AHI1: variants seen among roughly 807,000 people sequenced by gnomAD.
AHI1 encodes Abelson helper integration site 1.
In AHI1, 123 loss-of-function variants were observed where a neutral mutation model predicts 149.3. That is an observed-to-expected ratio of 0.82 (90% CI 0.71 to 0.96). The LOEUF (loss-of-function observed/expected upper bound fraction) is 0.96, where lower values mean the gene tolerates loss of function less well. Among genes scored for constraint, AHI1 ranks in the 40% least tolerant of loss-of-function variants. The pLI is 0.00. For missense variants in AHI1, 1,439 were observed against 1,422.7 expected, an observed-to-expected ratio of 1.01 and a Z score of -0.18; for synonymous variants, 475 against 459.8, an observed-to-expected ratio of 1.03 and a Z score of -0.42.
intron 20 of AHI1, among the ~76,000 whole-genome samples, chr6:135,415,498 T>C (rs1782241536): frequency 6.6e-6 from 1 of 152,206 alleles, no homozygotes; most frequent in South Asian, 2.1e-4. Context: ...TTTTTAATGA[T>C]TGCCAAGATT....
chr6:135,420,424 C>CCT (rs1200086204), intron 20 of AHI1, among the ~76,000 whole-genome samples: 16 of 152,272 alleles, frequency 1.1e-4, no homozygotes, highest in African/African-American at 3.6e-4. Flanking sequence ...AGGGCATCTT[C>CCT]CTCCATTAGA....
intron 13 of AHI1, among the ~76,000 whole-genome samples, chr6:135,445,839 G>A (rs1295008625): frequency 2.0e-5 from 3 of 152,020 alleles, no homozygotes; most frequent in Non-Finnish European, 2.9e-5. Context: ...GGCGGATCAC[G>A]AGGTCAGGAG....
chr6:135,364,466 C>T (rs1208264421), intron 23 of AHI1, among the ~76,000 whole-genome samples: 5 of 147,918 alleles, frequency 3.4e-5, no homozygotes, highest in Non-Finnish European at 7.5e-5. Flanking sequence ...CAGGCGGAGA[C>T]GCTCCTCACT....
intron 24 of AHI1, among the ~76,000 whole-genome samples, chr6:135,325,835 C>T (rs1399533323): frequency 6.6e-6 from 1 of 152,140 alleles, no homozygotes; most frequent in Non-Finnish European, 1.5e-5. Flanking sequence ...TAGGTGGCTG[C>T]TGGGAAGGAT....
Position 135,375,494 on chromosome 6 carries a change from T to C in AHI1, c.3110-17307A>G, listed in dbSNP as rs1363720907. Among the ~76,000 whole-genome samples, 4 of 152,324 alleles carry C rather than the reference T, an allele frequency of 2.6e-5. No individual in the cohort carries two copies. The South Asian group carries it at 6.2e-4, about 24-fold the overall frequency. On this transcript the variant is annotated intron_variant, in intron 23 of 28. Coordinates refer to ENST00000265602, the MANE Select transcript of AHI1 (RefSeq NM_001134831.2). ...AGAAGAAGAGATGTTTTCATATACA[T>C]GGTGTTGGGACAATATGTTGGGGAC...
chr6:135,430,591 T>C (rs1021073064), intron 17 of AHI1, among the ~76,000 whole-genome samples: 1 of 151,924 alleles, frequency 6.6e-6, no homozygotes, highest in Non-Finnish European at 1.5e-5. Context: ...TCAATTTATA[T>C]AGAACAAATT....
rs946533063 is a variant in AHI1, at chr6:135,497,686, C to A, written c.-305G>T. ...GCGCGTGCGCGAAGTGAGGCGGCCACGCAGCCACCTAACCCGCCAGCGACC... is the reference window on the plus strand; with the variant it reads ...GCGCGTGCGCGAAGTGAGGCGGCCAAGCAGCCACCTAACCCGCCAGCGACC... On this transcript the variant is annotated 5_prime_UTR_variant, in exon 1 of 29. Coordinates refer to ENST00000265602, the MANE Select transcript of AHI1 (RefSeq NM_001134831.2). The A allele has an allele frequency of 1.2e-5, 2 of 164,346 alleles. No individual in the cohort carries two copies. Among genetic ancestry groups the A allele is most frequent in the African/African-American group, 4.8e-5 (2 of 41,532 alleles). The allele number at this position is 164,346 out of a possible 1,614,324, so 10.2% of individuals were successfully genotyped here.
chr6:135,319,579 C>A (rs191870065), intron 25 of AHI1, among the ~76,000 whole-genome samples: 37 of 152,288 alleles, frequency 2.4e-4, no homozygotes, highest in African/African-American at 8.4e-4. Context: ...ATTTAAGATT[C>A]TTACAATCCA....
intron 5 of AHI1, among the ~76,000 whole-genome samples, chr6:135,486,126 T>C (rs1182911003): frequency 6.6e-6 from 1 of 152,226 alleles, no homozygotes; most frequent in Admixed American, 6.5e-5. Context: ...CATATCTTTA[T>C]GTTTCATGCC....
At chr6:135,487,529 C>T (rs1794655566) in intron 5 of AHI1, among the ~76,000 whole-genome samples, 1 of 151,862 alleles carries the variant, frequency 6.6e-6, no homozygotes, top group Non-Finnish European at 1.5e-5. Context: ...CATAAATTTC[C>T]CATCAAAAAA....
At chr6:135,327,810 G>A (rs1017907939) in intron 24 of AHI1, among the ~76,000 whole-genome samples, 1 of 152,168 alleles carries the variant, frequency 6.6e-6, no homozygotes, top group Non-Finnish European at 1.5e-5. Flanking sequence ...TGGGTTAGCA[G>A]AGCTTCCAAA....
intron 3 of AHI1, chr6:135,492,677 A>G: frequency 1.0e-6 from 1 of 985,376 alleles, no homozygotes; most frequent in Non-Finnish European, 1.2e-6. Flanking sequence ...AGAGCATTCA[A>G]TATTACATTA....
chr6:135,458,127 T>G (rs948962873), intron 8 of AHI1, among the ~76,000 whole-genome samples: 4 of 152,150 alleles, frequency 2.6e-5, no homozygotes, highest in Non-Finnish European at 5.9e-5. Context: ...ACAAATATCT[T>G]ATTTTAAATT....
chr6:135,463,086 C>G, intron 8 of AHI1, 39 bp downstream of exon 8: 1 of 1,502,188 alleles, frequency 6.7e-7, no homozygotes, highest in South Asian at 1.4e-5. Flanking sequence ...GTTATTTCTA[C>G]CAACATACAC....
intron 22 of AHI1, among the ~76,000 whole-genome samples, chr6:135,397,412 C>T (rs1562666811): frequency 6.6e-6 from 1 of 152,000 alleles, no homozygotes; most frequent in South Asian, 2.1e-4. Context: ...TTCACAACAC[C>T]CTTTTCTGTT....
chr6:135,412,224 C>T (rs1287865484), intron 20 of AHI1, among the ~76,000 whole-genome samples: 3 of 152,050 alleles, frequency 2.0e-5, no homozygotes, highest in African/African-American at 7.2e-5. Flanking sequence ...ATTTACATAG[C>T]ATTTATACTA....
intron 22 of AHI1, among the ~76,000 whole-genome samples, chr6:135,400,508 G>C (rs1354057073): frequency 6.6e-6 from 1 of 152,038 alleles, no homozygotes; most frequent in Non-Finnish European, 1.5e-5. Context: ...GCTTACAGAG[G>C]TGTGTGGAGG....
At position 135,466,304 on chromosome 6, in the gene AHI1, T is replaced by C. The variant is rs1790748516; in HGVS notation, c.259A>G (p.Thr87Ala). Residue 87 changes from threonine (T) to alanine (A), a missense_variant, in exon 7 of 29, where the codon ACT becomes GCT. By Grantham distance (58) the Thr-to-Ala change is moderately conservative. Transcript: ENST00000265602. ...CTCGTGCTCTTCTTCAGGTTGTTAG[T>C]GTTAGCAGCACTTACATCATCACTT... ...TTSDDVSAAN[T>A]NNLKKSTRVT... 2 of 1,613,848 alleles carry C rather than the reference T, an allele frequency of 1.2e-6. No homozygotes were observed. The highest frequency in any genetic ancestry group is 1.7e-5 in the Admixed American group (1 of 60,004).
chr6:135,370,969 G>A (rs1582874706), intron 23 of AHI1, among the ~76,000 whole-genome samples: 2 of 152,028 alleles, frequency 1.3e-5, no homozygotes, highest in South Asian at 4.2e-4. Context: ...ATAAATTTAT[G>A]TCTAAACCTC....
Sources: gnomAD v4.1 joint callset for allele counts (sites outside exome capture counted in the v4.1 genomes callset) on GRCh38, gnomAD v4.1.1 for gene constraint, MANE v1.5 for transcripts, NCBI Gene and HGNC (gene_info 2026-07-23, HGNC 2026-07-21) for gene names.